Variants in HORMAD2 observed in about 807,000 individuals in gnomAD.
HORMAD2 encodes HORMA domain containing 2.
A neutral mutation model predicts 38.8 loss-of-function variants in HORMAD2; 45 were observed. That is an observed-to-expected ratio of 1.16 (90% confidence interval 0.91 to 1.49). HORMAD2 has a LOEUF of 1.49. Ranked by LOEUF, HORMAD2 falls within the 40% of genes most tolerant of loss-of-function variation. HORMAD2 has a pLI of 0.00. For synonymous variants in HORMAD2, 126 were observed against 122.8 expected, an observed-to-expected ratio of 1.03 and a Z score of -0.17; for missense variants, 338 against 367.0, an observed-to-expected ratio of 0.92 and a Z score of 0.65.
the HORMAD2 span, among the ~76,000 whole-genome samples, chr22:30,205,968 C>G: frequency 1.3e-5 from 2 of 152,148 alleles, no homozygotes; most frequent in Non-Finnish European, 2.9e-5. Context: ...ATGACACACT[C>G]GCCTGCCCAC....
chr22:30,097,109 A>G (rs929152036), intron 2 of HORMAD2, among the ~76,000 whole-genome samples: 1 of 152,240 alleles, frequency 6.6e-6, no homozygotes, highest in African/African-American at 2.4e-5. Flanking sequence ...AGAAAACAGC[A>G]AAAAGCAGCC....
chr22:30,141,116 G>C (rs1924039764), intron 10 of HORMAD2, among the ~76,000 whole-genome samples: 2 of 151,958 alleles, frequency 1.3e-5, no homozygotes, highest in African/African-American at 4.8e-5. Flanking sequence ...TCCTGCCTTA[G>C]CCTCCTGAGT....
chr22:30,149,230 T>A (rs1384491914), intron 10 of HORMAD2, among the ~76,000 whole-genome samples: 1 of 152,226 alleles, frequency 6.6e-6, no homozygotes, highest in East Asian at 1.9e-4. Context: ...TGTTTTTCAT[T>A]GGCTCAGTTT....
At chr22:30,177,609 TAA>T (rs2081816913), downstream of HORMAD2, among the ~76,000 whole-genome samples, 1 of 151,318 alleles carries the variant, frequency 6.6e-6, no homozygotes, top group Admixed American at 6.6e-5. Context: ...GAGAATCACA[TAA>T]AGAGATTAGC....
rs560295068 is a variant in HORMAD2 at position 30,132,774 on chromosome 22, A to G, written c.819+10560A>G. ...ATAAGTCATTTCTTTTTTTATATGA[A>G]TCATTCTATAACATCAGAGAATTAC... On this transcript the variant is annotated intron_variant, in intron 10 of 10. Coordinates refer to ENST00000336726, the MANE Select transcript of HORMAD2 (RefSeq NM_152510.4). 2.8e-4 allele frequency among the ~76,000 whole-genome samples: 43 copies of G among 152,286 alleles called. No individual in the cohort carries two copies. The South Asian group carries it at 8.9e-3, about 32-fold the overall frequency.
chr22:30,127,397 T>TG (rs1312659297), intron 10 of HORMAD2, among the ~76,000 whole-genome samples: 1 of 151,886 alleles, frequency 6.6e-6, no homozygotes, highest in Admixed American at 6.6e-5. Context: ...TTAGTAGAGA[T>TG]GGGGTTTCAT....
intron 10 of HORMAD2, among the ~76,000 whole-genome samples, chr22:30,143,353 A>T (rs1394635169): frequency 6.6e-6 from 1 of 152,172 alleles, no homozygotes; most frequent in Non-Finnish European, 1.5e-5. Flanking sequence ...CTGTAAGATG[A>T]ATCTGCTAGC....
downstream of HORMAD2, among the ~76,000 whole-genome samples, chr22:30,179,129 A>G (rs529980195): frequency 1.3e-5 from 2 of 152,336 alleles, no homozygotes; most frequent in African/African-American, 2.4e-5. Context: ...TTGTCAATTT[A>G]TGGTTTCAAA....
At chr22:30,127,193 G>A (rs1220447779) in intron 10 of HORMAD2, among the ~76,000 whole-genome samples, 1 of 132,600 alleles carries the variant, frequency 7.5e-6, no homozygotes, top group African/African-American at 2.8e-5. Context: ...TTTATAAACA[G>A]AAGTTCTTTT....
At chr22:30,207,079 T>G in the HORMAD2 span, 2 of 470,574 alleles carry the variant, frequency 4.3e-6, no homozygotes, top group Non-Finnish European at 8.8e-6. Flanking sequence ...TGTTTGGACA[T>G]CCCAGCTCAG....
chr22:30,164,839 C>A (rs1010875419), intron 10 of HORMAD2, among the ~76,000 whole-genome samples: 7 of 152,288 alleles, frequency 4.6e-5, no homozygotes, highest in African/African-American at 1.4e-4. Flanking sequence ...ATGCTTCATA[C>A]ATTTTGGACA....
At chr22:30,156,892 T>C (rs1170680080) in intron 10 of HORMAD2, among the ~76,000 whole-genome samples, 1 of 152,202 alleles carries the variant, frequency 6.6e-6, no homozygotes, top group African/African-American at 2.4e-5. Flanking sequence ...CCAAACCTCT[T>C]CAAGATATAA....
At chr22:30,198,481 G>T in the HORMAD2 span, among the ~76,000 whole-genome samples, 1 of 146,870 alleles carries the variant, frequency 6.8e-6, no homozygotes, top group Non-Finnish European at 1.5e-5. Flanking sequence ...GGATTTAACT[G>T]GGCTGGCCTG....
chr22:30,092,657 T>C (rs2068711519), intron 1 of HORMAD2, among the ~76,000 whole-genome samples: 2 of 152,126 alleles, frequency 1.3e-5, no homozygotes, highest in African/African-American at 4.8e-5. Flanking sequence ...ATATTTTGAG[T>C]TTATTTTTGT....
intron 7 of HORMAD2, among the ~76,000 whole-genome samples, chr22:30,114,020 A>G (rs1269355207): frequency 6.6e-6 from 1 of 152,176 alleles, no homozygotes; most frequent in African/African-American, 2.4e-5. Context: ...TGTAGTATTT[A>G]TCATGTTTTC....
intron 10 of HORMAD2, among the ~76,000 whole-genome samples, chr22:30,160,918 G>A (rs1925402987): frequency 6.6e-6 from 1 of 152,074 alleles, no homozygotes; most frequent in Admixed American, 6.6e-5. Flanking sequence ...TTAAGTTTAG[G>A]TGCATGCTCC....
chr22:30,140,067 T>G (rs9608847), intron 10 of HORMAD2, among the ~76,000 whole-genome samples: 20,241 of 151,976 alleles, frequency 0.13, 1,519 homozygotes, highest in South Asian at 0.26. Flanking sequence ...TTGTGTTGCC[T>G]TTGGTTTTGG....
intron 10 of HORMAD2, among the ~76,000 whole-genome samples, chr22:30,175,008 CTGAAGGATGAAT>C (rs368311078): frequency 6.6e-6 from 1 of 151,728 alleles, no homozygotes; most frequent in African/African-American, 2.4e-5. Context: ...CTTTCTAAAA[CTGAAGGATGAAT>C]TAGTACTTAA....
At chr22:30,087,742 A>G (rs6006347) in intron 1 of HORMAD2, among the ~76,000 whole-genome samples, 172 of 152,068 alleles carry the variant, frequency 1.1e-3, no homozygotes, top group African/African-American at 3.5e-3. Flanking sequence ...AAGGTTCTAC[A>G]CACCTTTAAA....
Sources: gnomAD v4.1 joint callset for allele counts (sites outside exome capture counted in the v4.1 genomes callset) on GRCh38, gnomAD v4.1.1 for gene constraint, MANE v1.5 for transcripts, NCBI Gene and HGNC (gene_info 2026-07-23, HGNC 2026-07-21) for gene names.